Variants in SSUH2 observed in about 807,000 individuals in gnomAD.
The protein encoded by SSUH2 is ssu-2 homolog, also known as protein SSUH2 homolog.
A neutral mutation model predicts 55.3 loss-of-function variants in SSUH2; 47 were observed. The observed-to-expected ratio is 0.85, with a 90% confidence interval of 0.67 to 1.08. SSUH2 has a LOEUF of 1.08. SSUH2 is among the 50% of genes least tolerant of loss of function. SSUH2 has a pLI of 0.00. For missense variants in SSUH2, 535 were observed against 490.7 expected, an observed-to-expected ratio of 1.09 and a Z score of -0.85; for synonymous variants, 212 against 191.5, an observed-to-expected ratio of 1.11 and a Z score of -0.89.
chr3:8,625,551 T>C lies in SSUH2; in HGVS notation c.864A>G (p.Glu288=), dbSNP rs781581873. 6.2e-7 allele frequency: 1 copy of C among 1,611,822 alleles called. No homozygotes were observed. Among genetic ancestry groups the C allele is most frequent in the Non-Finnish European group, 8.5e-7 (1 of 1,178,008 alleles). ...KAKGENLFKD[E]NSVVYPIVDF... The stretch of plus-strand genomic sequence containing the variant: ...TACAATGCCCTCTTACCACCGAGTT[T>C]TCATCCTTAAAGAGGTTTTCTCCTT... The change falls in exon 10 of 12, where the codon GAA becomes GAG. Residue 288 remains glutamate, a synonymous_variant. Transcript: ENST00000544814.
At chr3:8,649,932 G>A (rs1193517675) in intron 7 of SSUH2, among the ~76,000 whole-genome samples, 4 of 152,080 alleles carry the variant, frequency 2.6e-5, no homozygotes, top group African/African-American at 4.8e-5. Context: ...GCGACCCCCT[G>A]CACCCTCCCT....
chr3:8,665,579 T>C (rs1203986672), intron 5 of SSUH2, among the ~76,000 whole-genome samples: 1 of 152,178 alleles, frequency 6.6e-6, no homozygotes, highest in Non-Finnish European at 1.5e-5. Flanking sequence ...ATGAATGTCA[T>C]TGTAGGGAAA....
At chr3:8,633,537 C>T in intron 4 of SSUH2, 129 bp downstream of exon 4, 2 of 646,848 alleles carry the variant, frequency 3.1e-6, no homozygotes, top group Non-Finnish European at 4.9e-6. Context: ...CACCACCGCT[C>T]ACACTCAAAC....
intron 1 of SSUH2, among the ~76,000 whole-genome samples, chr3:8,643,672 TG>T (rs1701243726): frequency 6.6e-6 from 1 of 151,870 alleles, no homozygotes; most frequent in Non-Finnish European, 1.5e-5. Flanking sequence ...CAAGAAAGAG[TG>T]TTATGCCTGC....
chr3:8,632,092 A>G lies in SSUH2; in HGVS notation c.357T>C (p.Phe119=), dbSNP rs767711307. Residue 119 remains phenylalanine (F), a synonymous_variant, in exon 5 of 12, where the codon TTT becomes TTC. Transcript: ENST00000544814. ...TCCACTCGCTTATCCTGGATTCACTAAAGGTCTCCAGACGGTACTAAAAGG... is the reference window on the plus strand; with the variant it reads ...TCCACTCGCTTATCCTGGATTCACTGAAGGTCTCCAGACGGTACTAAAAGG... ...QTLCRYRLET[F]SESRISEWTF... is the part of the protein sequence containing the mutation. The G allele has an allele frequency of 1.9e-6, 3 of 1,614,002 alleles. No individual in the cohort carries two copies. Among genetic ancestry groups the G allele is most frequent in the Admixed American group, 1.7e-5 (1 of 60,024 alleles).
chr3:8,674,604 C>T (rs1477744220), intron 3 of SSUH2, among the ~76,000 whole-genome samples: 1 of 152,156 alleles, frequency 6.6e-6, no homozygotes, highest in African/African-American at 2.4e-5. Context: ...TTTCTGCTTG[C>T]CTCGGACTTG....
chr3:8,630,691 C>A, intron 6 of SSUH2, 114 bp downstream of exon 6: 1 of 1,003,474 alleles, frequency 1.0e-6, no homozygotes, highest in Non-Finnish European at 1.3e-6. Context: ...AAATGAAGCA[C>A]CGGCCTGAAT....
At chr3:8,621,921 G>GC (rs914321005) in intron 11 of SSUH2, among the ~76,000 whole-genome samples, 8 of 151,654 alleles carry the variant, frequency 5.3e-5, no homozygotes, top group African/African-American at 1.5e-4. Flanking sequence ...GGCAATACCA[G>GC]CCCCCCCACA....
chr3:8,623,721 G>A, intron 10 of SSUH2, 65 bp from the exon 11 acceptor site: 1 of 825,344 alleles, frequency 1.2e-6, no homozygotes, highest in East Asian at 2.8e-5. Context: ...GAAGTCACTG[G>A]GGCTGACTAG....
At chr3:8,663,935 C>G (rs978773252) in intron 5 of SSUH2, 1 of 425,508 alleles carries the variant, frequency 2.4e-6, no homozygotes, top group Non-Finnish European at 4.8e-6. Flanking sequence ...AAATATTTTC[C>G]TTGGTTAGAC....
At chr3:8,635,166 G>T in intron 3 of SSUH2, 134 bp downstream of exon 3, 1 of 668,506 alleles carries the variant, frequency 1.5e-6, no homozygotes, top group Non-Finnish European at 2.5e-6. Flanking sequence ...CATCCCTGGA[G>T]GATCTGGTGC....
chr3:8,663,861 A>G (rs1459481752), intron 5 of SSUH2: 2 of 456,696 alleles, frequency 4.4e-6, no homozygotes, highest in Admixed American at 4.7e-5. Flanking sequence ...GCGTGTCCCA[A>G]GACAATGTTG....
At chr3:8,641,240 T>A (rs1172067888) in intron 1 of SSUH2, among the ~76,000 whole-genome samples, 1 of 152,216 alleles carries the variant, frequency 6.6e-6, no homozygotes, top group Non-Finnish European at 1.5e-5. Flanking sequence ...TTGTAAAAGG[T>A]CCATGTGGGG....
intron 3 of SSUH2, chr3:8,672,151 A>G (rs1040794611): frequency 6.6e-6 from 1 of 151,986 alleles, no homozygotes; most frequent in Non-Finnish European, 1.5e-5. Flanking sequence ...TGTCCACCCC[A>G]TGCGATATTG....
intron 8 of SSUH2, chr3:8,627,312 A>T (rs1312222263): frequency 5.5e-6 from 1 of 181,434 alleles, no homozygotes; most frequent in Non-Finnish European, 1.1e-5. Context: ...AAAATGAGTT[A>T]TAAATAGGGG....
At chr3:8,621,482 G>A (rs981294646) in intron 11 of SSUH2, among the ~76,000 whole-genome samples, 16 of 152,296 alleles carry the variant, frequency 1.1e-4, no homozygotes, top group African/African-American at 3.8e-4. Context: ...ATTTTGAGAG[G>A]CAGGCCCCTG....
chr3:8,632,857 TG>T (rs1207800455), intron 4 of SSUH2, among the ~76,000 whole-genome samples: 1 of 152,200 alleles, frequency 6.6e-6, no homozygotes, highest in Non-Finnish European at 1.5e-5. Flanking sequence ...TGAAGTCTAG[TG>T]GCAGGTAGAT....
intron 5 of SSUH2, among the ~76,000 whole-genome samples, chr3:8,631,376 T>G (rs889057120): frequency 6.6e-6 from 1 of 152,174 alleles, no homozygotes; most frequent in African/African-American, 2.4e-5. Context: ...CTTCTTCCTC[T>G]TGCTCTGTTC....
In SSUH2 at chr3:8,630,798, G is replaced by A. The variant is rs752504401; in HGVS notation, c.525+7C>T. ...AAGTATTCCAGTAATCGCGTTAATC[G>A]TATTACCTTGACCAGTGACGAGTGA... On this transcript the variant is annotated splice_region_variant and intron_variant, in intron 6 of 11. Coordinates refer to ENST00000544814, the MANE Select transcript of SSUH2 (RefSeq NM_001256748.3). 6.5e-5 allele frequency: 92 copies of A among 1,416,658 alleles called. No homozygotes were observed. Among genetic ancestry groups the A allele is most frequent in the Admixed American group, 2.8e-4 (10 of 36,328 alleles). 87.8% of individuals were successfully genotyped at this position (1,416,658 alleles called of 1,614,324 possible).
Sources: gnomAD v4.1 joint callset for allele counts (sites outside exome capture counted in the v4.1 genomes callset) on GRCh38, gnomAD v4.1.1 for gene constraint, MANE v1.5 for transcripts, NCBI Gene and HGNC (gene_info 2026-07-23, HGNC 2026-07-21) for gene names.